Variants in NR1H4 observed in about 807,000 individuals in gnomAD.
NR1H4 encodes the protein nuclear receptor subfamily 1 group H member 4, also known as bile acid receptor.
Under a neutral mutation model 58.5 loss-of-function variants are expected in NR1H4, and 23 were observed. The ratio of observed to expected loss-of-function variants is 0.39; its 90% CI spans 0.28 to 0.56. The LOEUF (loss-of-function observed/expected upper bound fraction) is 0.56, where lower values mean the gene tolerates loss of function less well. Among genes scored for constraint, NR1H4 ranks in the 20% least tolerant of loss-of-function variants. NR1H4 has a pLI of 0.58. For synonymous variants in NR1H4, 214 were observed against 198.0 expected (o/e 1.08, Z -0.68); for missense variants, 487 against 576.9 (o/e 0.84, Z 1.60).
At chr12:100,500,169 AG>A (rs1953801941) in intron 3 of NR1H4, 1 of 332,430 alleles carries the variant, frequency 3.0e-6, no homozygotes, top group Non-Finnish European at 5.9e-6. Context: ...TTAAGTCTCC[AG>A]GCTTAGAGAA....
rs544894746 is a variant in NR1H4 at position 100,505,237 on chromosome 12, G to A, written c.80-5541G>A. 6.6e-5 allele frequency among the ~76,000 whole-genome samples: 10 copies of A among 152,340 alleles called. No individual in the cohort carries two copies. In the East Asian group the frequency reaches 1.7e-3, roughly 26 times the overall value. On this transcript the variant is annotated intron_variant, in intron 3 of 10. Transcript: ENST00000392986. ...TTCTTAGGAGCATCAGAAACTCACT[G>A]TGAGATTATGGGGGAGTGCCATTGT... is the stretch of plus-strand genomic sequence containing the variant.
intron 3 of NR1H4, chr12:100,499,850 C>T (rs560745571): frequency 2.5e-4 from 113 of 455,948 alleles, no homozygotes; most frequent in African/African-American, 2.2e-3. Context: ...GATTTGTTAA[C>T]AGATTTCCTG....
chr12:100,495,366 A>G (rs1173781021), intron 3 of NR1H4, among the ~76,000 whole-genome samples: 3 of 152,168 alleles, frequency 2.0e-5, no homozygotes, highest in Non-Finnish European at 4.4e-5. Context: ...TTTCTCCACT[A>G]AGCTGTAGAG....
chr12:100,528,619 A>T (rs1954619347), intron 4 of NR1H4, among the ~76,000 whole-genome samples: 1 of 152,220 alleles, frequency 6.6e-6, no homozygotes, highest in African/African-American at 2.4e-5. Flanking sequence ...TTGAATATGC[A>T]CAAGAAAGAG....
intron 1 of NR1H4, among the ~76,000 whole-genome samples, chr12:100,480,369 G>T (rs897165763): frequency 3.9e-5 from 6 of 152,182 alleles, no homozygotes; most frequent in Non-Finnish European, 5.9e-5. Flanking sequence ...TTTTTAAAGA[G>T]TAAGTACCTT....
chr12:100,540,557 C>T (rs1245081506), intron 8 of NR1H4, 115 bp from the exon 9 acceptor site: 12 of 1,164,652 alleles, frequency 1.0e-5, no homozygotes, highest in African/African-American at 1.5e-5. Context: ...AACTAGACTA[C>T]CCAATTTTAA....
rs556799311 is a variant in NR1H4 at position 100,494,827 on chromosome 12, T to C, written c.79+1425T>C. 7.9e-5 allele frequency among the ~76,000 whole-genome samples: 12 copies of C among 152,328 alleles called. 1 individual carries two copies. Among genetic ancestry groups the C allele is most frequent in the African/African-American group, 2.9e-4 (12 of 41,584 alleles). ...TACCACAGATAAAGAAAAATTGCACTCAAGATTTTTTTTCAAACAGAAACT... is the reference window on the plus strand; with the variant it reads ...TACCACAGATAAAGAAAAATTGCACCCAAGATTTTTTTTCAAACAGAAACT... On this transcript the variant is annotated intron_variant, in intron 3 of 10. Transcript: ENST00000392986.
intron 9 of NR1H4, among the ~76,000 whole-genome samples, chr12:100,544,655 C>T (rs1955017818): frequency 6.6e-6 from 1 of 152,064 alleles, no homozygotes; most frequent in South Asian, 2.1e-4. Context: ...ACATGCCTGG[C>T]TTGGACTGGG....
At chr12:100,526,284 T>C (rs886382922) in intron 4 of NR1H4, among the ~76,000 whole-genome samples, 1 of 152,064 alleles carries the variant, frequency 6.6e-6, no homozygotes, top group Non-Finnish European at 1.5e-5. Flanking sequence ...TCTTAATCAA[T>C]ATATGCATTT....
intron 8 of NR1H4, among the ~76,000 whole-genome samples, chr12:100,538,470 T>C (rs1427836955): frequency 6.6e-6 from 1 of 152,176 alleles, no homozygotes; most frequent in Non-Finnish European, 1.5e-5. Flanking sequence ...GACTTACTTA[T>C]CCACACTCAT....
At chr12:100,507,069 A>G (rs1953983629) in intron 3 of NR1H4, among the ~76,000 whole-genome samples, 1 of 152,194 alleles carries the variant, frequency 6.6e-6, no homozygotes, top group Non-Finnish European at 1.5e-5. Context: ...AAAAGTACAC[A>G]TCTCCTTGGA....
chr12:100,499,926 G>A (rs1342166695), intron 3 of NR1H4: 1 of 456,028 alleles, frequency 2.2e-6, no homozygotes, highest in South Asian at 1.5e-5. Context: ...CTTTGCACAA[G>A]TTACTTGCCT....
At position 100,536,583 on chromosome 12, in the gene NR1H4, G is replaced by A; in HGVS notation, c.804G>A (p.Arg268=). The part of the protein sequence containing the change: ...HFIMDSYNKQ[R]MPQEITNKIL... ...TTATGGATTCATATAACAAACAGAG[G>A]ATGCCTCAGGAAATAACAAATAAAA... is the stretch of plus-strand genomic sequence containing the variant. The change falls in exon 7 of 11, where the codon AGG becomes AGA. Residue 268 remains arginine, a synonymous_variant. Coordinates refer to ENST00000392986, the MANE Select transcript of NR1H4 (RefSeq NM_001206979.2). 6.3e-7 allele frequency: 1 copy of A among 1,585,354 alleles called. No homozygotes were observed. The highest frequency in any genetic ancestry group is 1.3e-5 in the African/African-American group (1 of 74,408).
rs546197186 is a variant in NR1H4 at position 100,552,965 on chromosome 12, A to C, written c.1079-8920A>C. 1.3e-4 allele frequency among the ~76,000 whole-genome samples: 19 copies of C among 151,368 alleles called. No individual in the cohort carries two copies. The South Asian group carries it at 4.0e-3, about 32-fold the overall frequency. Reference sequence around the variant, plus strand: ...GAGCACCCTTTATGGGTCAGGCAGCATGGCAGCCACTGGAGATAACAGTAA... The same window carrying C: ...GAGCACCCTTTATGGGTCAGGCAGCCTGGCAGCCACTGGAGATAACAGTAA... On this transcript the variant is annotated intron_variant, in intron 9 of 10. Transcript: ENST00000392986.
intron 3 of NR1H4, among the ~76,000 whole-genome samples, chr12:100,505,188 A>C (rs1359711619): frequency 6.6e-6 from 1 of 152,226 alleles, no homozygotes; most frequent in East Asian, 1.9e-4. Context: ...CCAGGAATGA[A>C]AAACTGGATA....
In NR1H4 at chr12:100,547,134, T is replaced by C. The variant is rs372559925; in HGVS notation, c.1078+6316T>C. ...ATCTCTTCCCACTCATTCTCAACTATAACTTTGTTGAGAAAAGGTGTCTTT... is the reference window on the plus strand; with the variant it reads ...ATCTCTTCCCACTCATTCTCAACTACAACTTTGTTGAGAAAAGGTGTCTTT... On this transcript the variant is annotated intron_variant, in intron 9 of 10. Transcript: ENST00000392986. Among the ~76,000 whole-genome samples, 5 of 152,186 alleles carry C rather than the reference T, an allele frequency of 3.3e-5. No individual in the cohort carries two copies. The East Asian group carries it at 9.6e-4, about 29-fold the overall frequency.
intron 8 of NR1H4, among the ~76,000 whole-genome samples, chr12:100,539,182 TTC>T (rs1566466848): frequency 6.6e-6 from 1 of 152,140 alleles, no homozygotes; most frequent in Non-Finnish European, 1.5e-5. Context: ...TTAGTGTGTG[TTC>T]AATGAGTAAA....
Position 100,510,775 on chromosome 12 carries a change from C to T in NR1H4, c.80-3C>T, listed in dbSNP as rs1306208307. 3 of 1,613,664 alleles carry T rather than the reference C, an allele frequency of 1.9e-6. No individual in the cohort carries two copies. The highest frequency in any genetic ancestry group is 4.5e-5 in the East Asian group (2 of 44,884). On this transcript the variant is annotated splice_region_variant and splice_polypyrimidine_tract_variant and intron_variant, in intron 3 of 10. Coordinates refer to ENST00000392986, the MANE Select transcript of NR1H4 (RefSeq NM_001206979.2). ...TTCCAGTTTTGTTGTCACTTTTGTT[C>T]AGGTGTTTTAACAGAACAAGTGGCA...
At chr12:100,542,923 G>A (rs191307230) in intron 9 of NR1H4, among the ~76,000 whole-genome samples, 590 of 151,500 alleles carry the variant, frequency 3.9e-3, no homozygotes, top group African/African-American at 0.014. Flanking sequence ...TATGGTAGCA[G>A]TGAAGAGAGA....
Sources: allele counts gnomAD v4.1 joint callset (sites outside exome capture counted in the v4.1 genomes callset), GRCh38; gene constraint gnomAD v4.1.1; transcripts MANE v1.5; gene names NCBI Gene and HGNC (gene_info 2026-07-23, HGNC 2026-07-21).